The following PLD5 variants were observed in gnomAD, a reference collection of about 807,000 sequenced individuals.
PLD5 encodes phospholipase D family member 5, also known as inactive phospholipase D5.
Under a neutral mutation model 61.1 loss-of-function variants are expected in PLD5, and 36 were observed. The ratio of observed to expected loss-of-function variants is 0.59; its 90% CI spans 0.45 to 0.78. The LOEUF is 0.78. Among genes scored for constraint, PLD5 ranks in the 30% least tolerant of loss-of-function variants. The pLI, the probability that PLD5 is intolerant of heterozygous loss-of-function variation, is 0.00. For synonymous variants in PLD5, 243 were observed against 242.8 expected, an observed-to-expected ratio of 1.00 and a Z score of -0.01; for missense variants, 515 against 644.4, an observed-to-expected ratio of 0.80 and a Z score of 2.17.
intron 5 of PLD5, among the ~76,000 whole-genome samples, chr1:242,149,999 T>A (rs999977949): frequency 6.6e-6 from 1 of 151,960 alleles, no homozygotes; most frequent in Middle Eastern, 3.4e-3. Context: ...AAGGCACTGC[T>A]TTAGTTGCAA....
At chr1:242,261,293 C>G (rs558690489) in intron 4 of PLD5, among the ~76,000 whole-genome samples, 6 of 152,234 alleles carry the variant, frequency 3.9e-5, no homozygotes, top group Non-Finnish European at 7.4e-5. Flanking sequence ...AACGAACGAC[C>G]CTCCGTAAGT....
intron 5 of PLD5, among the ~76,000 whole-genome samples, chr1:242,175,163 G>T (rs531963715): frequency 6.6e-6 from 1 of 152,226 alleles, no homozygotes; most frequent in East Asian, 1.9e-4. Context: ...GAAAATTTCA[G>T]GCCAATATCC....
At chr1:242,503,926 A>AT (rs1298496576) in intron 1 of PLD5, among the ~76,000 whole-genome samples, 1 of 152,142 alleles carries the variant, frequency 6.6e-6, no homozygotes, top group African/African-American at 2.4e-5. Context: ...AACTCTTCAC[A>AT]TTTTTTATGT....
intron 9 of PLD5, among the ~76,000 whole-genome samples, chr1:242,099,693 TTGG>T (rs1254258270): frequency 1.3e-5 from 2 of 152,322 alleles, no homozygotes; most frequent in East Asian, 3.9e-4. Context: ...GCCCTCCCTA[TTGG>T]TGATGTTGCG....
intron 1 of PLD5, among the ~76,000 whole-genome samples, chr1:242,386,089 C>T (rs1017221404): frequency 1.3e-5 from 2 of 152,134 alleles, no homozygotes; most frequent in African/African-American, 4.8e-5. Flanking sequence ...ATCATCTTCC[C>T]CCTACATGTG....
chr1:242,236,715 T>C (rs1013772256), intron 4 of PLD5, among the ~76,000 whole-genome samples: 1 of 152,208 alleles, frequency 6.6e-6, no homozygotes, highest in Non-Finnish European at 1.5e-5. Flanking sequence ...TACAATACCC[T>C]GGGGGAAAAT....
chr1:242,414,209 T>A (rs1161422090), intron 1 of PLD5, among the ~76,000 whole-genome samples: 1 of 152,182 alleles, frequency 6.6e-6, no homozygotes, highest in Non-Finnish European at 1.5e-5. Flanking sequence ...GAGTTAAGAC[T>A]GACAATAAAA....
At chr1:242,206,896 G>C (rs115197670) in intron 5 of PLD5, among the ~76,000 whole-genome samples, 2,409 of 152,236 alleles carry the variant, frequency 0.016, 56 homozygotes, top group East Asian at 0.062. Context: ...AGAGATTTAT[G>C]AGATTTATCT....
chr1:242,152,507 C>T (rs550066851), intron 5 of PLD5, among the ~76,000 whole-genome samples: 96 of 151,832 alleles, frequency 6.3e-4, no homozygotes, highest in Admixed American at 6.3e-3. Context: ...CCTCCCCTAG[C>T]CCCCTACCCC....
chr1:242,267,749 T>C (rs1013993901), intron 3 of PLD5, among the ~76,000 whole-genome samples: 4 of 143,076 alleles, frequency 2.8e-5, no homozygotes, highest in Non-Finnish European at 6.0e-5. Flanking sequence ...AAGCCAGGCA[T>C]GATGGTGCAC....
chr1:242,360,926 C>G lies in PLD5; in HGVS notation c.190-12684G>C, dbSNP rs182496145. ...ACATTAATCTAGTCCAGAAGATACT[C>G]TAACCAGGAAAATATAATTAGTTAC... On this transcript the variant is annotated intron_variant, in intron 1 of 9. Coordinates refer to ENST00000536534, the MANE Select transcript of PLD5 (RefSeq NM_001372062.1). Among the ~76,000 whole-genome samples the G allele has an allele frequency of 1.7e-4, 26 of 152,182 alleles. 1 individual carries two copies. Among genetic ancestry groups the G allele is most frequent in the African/African-American group, 6.0e-4 (25 of 41,568 alleles).
intron 1 of PLD5, chr1:242,449,360 G>C: frequency 2.6e-6 from 4 of 1,536,054 alleles, no homozygotes; most frequent in Non-Finnish European, 3.5e-6. Flanking sequence ...TTACCATTGC[G>C]ACCAATCTTC....
chr1:242,322,328 C>T (rs1215480572), intron 2 of PLD5, among the ~76,000 whole-genome samples: 1 of 152,190 alleles, frequency 6.6e-6, no homozygotes, highest in Non-Finnish European at 1.5e-5. Flanking sequence ...ACCTGGAACC[C>T]TCTTCCCCAG....
chr1:242,400,422 C>A (rs1215200683), intron 1 of PLD5, among the ~76,000 whole-genome samples: 1 of 152,088 alleles, frequency 6.6e-6, no homozygotes, highest in Non-Finnish European at 1.5e-5. Context: ...GGTACCTCCT[C>A]TGATGAAAAG....
chr1:242,494,565 T>A (rs1331956438), intron 1 of PLD5, among the ~76,000 whole-genome samples: 1 of 152,118 alleles, frequency 6.6e-6, no homozygotes, highest in Non-Finnish European at 1.5e-5. Context: ...CATATCTACC[T>A]CTGCACCAGG....
chr1:242,100,582 C>T (rs988237006), intron 9 of PLD5, 86 bp downstream of exon 9: 5 of 972,916 alleles, frequency 5.1e-6, no homozygotes, highest in Admixed American at 2.1e-5. Context: ...GCCTTGCTTC[C>T]TCACCAGGGG....
At chr1:242,254,305 T>C (rs1672887493) in intron 4 of PLD5, among the ~76,000 whole-genome samples, 1 of 149,516 alleles carries the variant, frequency 6.7e-6, no homozygotes, top group Admixed American at 6.7e-5. Flanking sequence ...TCTAATTTAA[T>C]TCTCATAGCT....
intron 1 of PLD5, among the ~76,000 whole-genome samples, chr1:242,375,894 C>CT (rs1474570270): frequency 1.3e-5 from 2 of 152,146 alleles, no homozygotes; most frequent in South Asian, 2.1e-4. Context: ...CATCCCAACT[C>CT]TAAGTACCAG....
At chr1:242,429,004 T>A (rs1254341580) in intron 1 of PLD5, among the ~76,000 whole-genome samples, 1 of 152,232 alleles carries the variant, frequency 6.6e-6, no homozygotes, top group South Asian at 2.1e-4. Context: ...TAAAGATGGA[T>A]GTGGCCCTGT....
Sources: gnomAD v4.1 joint callset for allele counts (sites outside exome capture counted in the v4.1 genomes callset) on GRCh38, gnomAD v4.1.1 for gene constraint, MANE v1.5 for transcripts, NCBI Gene and HGNC (gene_info 2026-07-23, HGNC 2026-07-21) for gene names.